ACOXL: variants seen among roughly 807,000 people sequenced by gnomAD.
ACOXL encodes acyl-CoA oxidase like, also known as acyl-coenzyme A oxidase-like protein.
Under a neutral mutation model 71.9 loss-of-function variants are expected in ACOXL, and 70 were observed. The observed-to-expected ratio is 0.97, with a 90% CI of 0.80 to 1.19. ACOXL has a LOEUF of 1.19. Among genes scored for constraint, ACOXL ranks in the 50% most tolerant of loss-of-function variants. ACOXL has a pLI of 0.00. For synonymous variants in ACOXL, 253 were observed against 281.6 expected (o/e 0.90, Z 1.02); for missense variants, 703 against 736.3 (o/e 0.95, Z 0.52).
At chr2:110,901,397 C>T (rs192600503) in intron 10 of ACOXL, among the ~76,000 whole-genome samples, 10 of 152,192 alleles carry the variant, frequency 6.6e-5, no homozygotes, top group South Asian at 2.1e-4. Context: ...GAAATATTCC[C>T]GTGTTTAAAA....
chr2:110,855,024 G>A (rs1417356793), intron 10 of ACOXL, among the ~76,000 whole-genome samples: 1 of 152,228 alleles, frequency 6.6e-6, no homozygotes, highest in Non-Finnish European at 1.5e-5. Context: ...ACCTTTGAGA[G>A]TCTTCTTTTA....
At chr2:110,981,371 T>C (rs1309462523) in intron 12 of ACOXL, among the ~76,000 whole-genome samples, 1 of 152,192 alleles carries the variant, frequency 6.6e-6, no homozygotes. Context: ...GCGTGGACTC[T>C]GGGTTGAAAT....
chr2:110,767,324 C>T (rs566805051), intron 1 of ACOXL, among the ~76,000 whole-genome samples: 15 of 152,206 alleles, frequency 9.9e-5, no homozygotes, highest in Non-Finnish European at 1.6e-4. Flanking sequence ...ACCTGAGAAG[C>T]GTAAGTGGGA....
At chr2:111,039,047 A>G (rs2065655531) in intron 15 of ACOXL, among the ~76,000 whole-genome samples, 1 of 152,232 alleles carries the variant, frequency 6.6e-6, no homozygotes, top group South Asian at 2.1e-4. Context: ...GTGTGTCTTA[A>G]AAACAAGAAT....
chr2:110,968,579 C>A, intron 12 of ACOXL: 2 of 940,178 alleles, frequency 2.1e-6, no homozygotes, highest in Non-Finnish European at 3.3e-6. Flanking sequence ...GCTTATACAT[C>A]AAGTCTATGA....
At chr2:110,985,110 G>A (rs2062871080) in intron 12 of ACOXL, among the ~76,000 whole-genome samples, 3 of 152,178 alleles carry the variant, frequency 2.0e-5, no homozygotes, top group Admixed American at 2.0e-4. Flanking sequence ...TTATAGATTA[G>A]CAAAAACAAA....
At chr2:110,762,537 T>C (rs1444482082) in intron 1 of ACOXL, among the ~76,000 whole-genome samples, 2 of 152,250 alleles carry the variant, frequency 1.3e-5, no homozygotes, top group Non-Finnish European at 2.9e-5. Flanking sequence ...TGAGGTGTTA[T>C]AGTACATACC....
At chr2:111,097,978 G>T (rs1374989146) in intron 17 of ACOXL, among the ~76,000 whole-genome samples, 1 of 152,224 alleles carries the variant, frequency 6.6e-6, no homozygotes, top group East Asian at 1.9e-4. Flanking sequence ...GATTATGGAA[G>T]AGAGAAATAC....
chr2:111,020,230 T>G (rs897771675), intron 14 of ACOXL, among the ~76,000 whole-genome samples: 1 of 152,226 alleles, frequency 6.6e-6, no homozygotes, highest in Non-Finnish European at 1.5e-5. Flanking sequence ...TGGGTGGGGC[T>G]TCCTTCATGT....
intron 11 of ACOXL, among the ~76,000 whole-genome samples, chr2:110,913,984 C>T (rs2059746164): frequency 6.6e-6 from 1 of 152,064 alleles, no homozygotes; most frequent in Non-Finnish European, 1.5e-5. Context: ...GTGGAGGGGA[C>T]ATCCAAACTA....
chr2:110,938,061 C>T (rs370899987), intron 12 of ACOXL, among the ~76,000 whole-genome samples: 3 of 152,208 alleles, frequency 2.0e-5, no homozygotes, highest in East Asian at 1.9e-4. Context: ...CCCAGCACGA[C>T]GAGGCAGGCC....
intron 15 of ACOXL, among the ~76,000 whole-genome samples, chr2:111,043,750 C>T (rs1033382177): frequency 1.3e-5 from 2 of 152,150 alleles, no homozygotes; most frequent in African/African-American, 4.8e-5. Flanking sequence ...TGGTTCCCAG[C>T]AATGCTCAGC....
chr2:110,935,256 G>A (rs549525336), intron 12 of ACOXL, among the ~76,000 whole-genome samples: 1 of 152,208 alleles, frequency 6.6e-6, no homozygotes, highest in East Asian at 1.9e-4. Context: ...CAGGCTCCTG[G>A]TCCTCTGGGC....
intron 2 of ACOXL, 82 bp downstream of exon 2, chr2:110,768,546 C>G: frequency 8.0e-7 from 1 of 1,257,710 alleles, no homozygotes; most frequent in Non-Finnish European, 1.1e-6. Context: ...GAGTTTTTTT[C>G]TCTCCAGCTT....
At position 110,912,397 on chromosome 2, in the gene ACOXL, G is replaced by A. The variant is rs553551772; in HGVS notation, c.905+3492G>A. On this transcript the variant is annotated intron_variant, in intron 11 of 17. Transcript: ENST00000439055. ...ATGAAGCTGCAGTAATCAAGACAGTGTGGTACTGGCATTGGATAGATACAC... is the reference window on the plus strand; with the variant it reads ...ATGAAGCTGCAGTAATCAAGACAGTATGGTACTGGCATTGGATAGATACAC... Among the ~76,000 whole-genome samples, 3 of 152,222 alleles carry A rather than the reference G, an allele frequency of 2.0e-5. No homozygotes were observed. The South Asian group carries it at 6.2e-4, about 31-fold the overall frequency.
At chr2:111,003,658 A>G (rs2063749008) in intron 14 of ACOXL, among the ~76,000 whole-genome samples, 1 of 150,820 alleles carries the variant, frequency 6.6e-6, no homozygotes, top group African/African-American at 2.4e-5. Context: ...GTAGGTTATG[A>G]TATAAATTTG....
At chr2:110,882,869 A>G (rs1350870791) in intron 10 of ACOXL, among the ~76,000 whole-genome samples, 6 of 152,192 alleles carry the variant, frequency 3.9e-5, no homozygotes, top group Non-Finnish European at 7.3e-5. Context: ...TCATTCAGCA[A>G]TCCCCAGCTA....
intron 3 of ACOXL, among the ~76,000 whole-genome samples, chr2:110,790,732 T>C (rs1254053921): frequency 6.6e-6 from 1 of 152,138 alleles, no homozygotes; most frequent in Non-Finnish European, 1.5e-5. Context: ...CGGAGGACAC[T>C]CTGCGACATT....
intron 9 of ACOXL, among the ~76,000 whole-genome samples, chr2:110,811,730 T>TACACGC (rs1687346203): frequency 9.8e-6 from 1 of 101,614 alleles, no homozygotes; most frequent in African/African-American, 3.7e-5. Context: ...TTTTTTTGCA[T>TACACGC]ACACACACAC....
Sources: gnomAD v4.1 joint callset for allele counts (sites outside exome capture counted in the v4.1 genomes callset) on GRCh38, gnomAD v4.1.1 for gene constraint, MANE v1.5 for transcripts, NCBI Gene and HGNC (gene_info 2026-07-23, HGNC 2026-07-21) for gene names.